TET2: variants seen among roughly 807,000 people sequenced by gnomAD.
TET2 encodes tet methylcytosine dioxygenase 2, also known as methylcytosine dioxygenase TET2.
TET2 carries 299 observed loss-of-function variants against 142.9 expected under a neutral mutation model. The ratio of observed to expected loss-of-function variants is 2.09; its 90% confidence interval spans 1.90 to 2.30. The LOEUF is 2.30. Ranked by LOEUF, TET2 falls within the 30% of genes most tolerant of loss-of-function variation. TET2 has a pLI of 0.00. For missense variants in TET2, 2,418 were observed against 2,378.0 expected, an observed-to-expected ratio of 1.02 and a Z score of -0.35; for synonymous variants, 819 against 849.0, an observed-to-expected ratio of 0.96 and a Z score of 0.61.
At chr4:105,260,800 ACAT>A (rs1409646813) in intron 7 of TET2, among the ~76,000 whole-genome samples, 1 of 152,184 alleles carries the variant, frequency 6.6e-6, no homozygotes, top group Non-Finnish European at 1.5e-5. Context: ...AATGTGCGAG[ACAT>A]CATTTCATAA....
chr4:105,172,090 T>G, intron 1 of TET2, among the ~76,000 whole-genome samples: 1 of 152,138 alleles, frequency 6.6e-6, no homozygotes, highest in African/African-American at 2.4e-5. Flanking sequence ...TCACTGAACT[T>G]TGAGCTCAGC....
chr4:105,265,475 ATTGTATATCTGTTT>A (rs1560567096), intron 8 of TET2, among the ~76,000 whole-genome samples: 1 of 152,214 alleles, frequency 6.6e-6, no homozygotes, highest in Non-Finnish European at 1.5e-5. Context: ...TTTCTAGCTG[ATTGTATATCTGTTT>A]TTGTTCAAGA....
At position 105,272,601 on chromosome 4, in the gene TET2, G is replaced by T; in HGVS notation, c.4220G>T (p.Gly1407Val). The T allele has an allele frequency of 2.6e-6, 4 of 1,547,472 alleles. No individual in the cohort carries two copies. Among genetic ancestry groups the T allele is most frequent in the Non-Finnish European group, 3.5e-6 (4 of 1,145,552 alleles). ...TLTREDNREF[G>V]GKPEDEQLHV... ...ACTAGAGAAGACAATCGAGAATTTG[G>T]AGGAAAACCTGAGGATGAGCAGCTT... Residue 1407 changes from glycine to valine, a missense_variant, in exon 10 of 11, where the codon GGA becomes GTA. Gly to Val is a moderately radical substitution (Grantham distance 109, BLOSUM62 -3). Transcript: ENST00000380013.
intron 2 of TET2, among the ~76,000 whole-genome samples, chr4:105,212,392 G>A (rs1727221983): frequency 6.6e-6 from 1 of 152,140 alleles, no homozygotes; most frequent in South Asian, 2.1e-4. Flanking sequence ...TTAGTTTCAG[G>A]TGTTGATTTG....
chr4:105,182,314 C>T lies in TET2; in HGVS notation c.-192-8046C>T, dbSNP rs1327848163. Among the ~76,000 whole-genome samples, 7 of 152,258 alleles carry T rather than the reference C, an allele frequency of 4.6e-5. No homozygotes were observed. In the East Asian group the frequency reaches 1.4e-3, roughly 29 times the overall value. On this transcript the variant is annotated intron_variant, in intron 1 of 10. Transcript: ENST00000380013. Reference sequence around the variant, plus strand: ...ACCCTAAGCCACTATAGCTCCTTCCCCATTACTCCCTGGGTCTACCCACCA... The same window carrying T: ...ACCCTAAGCCACTATAGCTCCTTCCTCATTACTCCCTGGGTCTACCCACCA...
chr4:105,209,970 G>A (rs1357974029), intron 2 of TET2, among the ~76,000 whole-genome samples: 1 of 152,158 alleles, frequency 6.6e-6, no homozygotes, highest in Non-Finnish European at 1.5e-5. Context: ...GGGTTCTACA[G>A]ACAATAAGAA....
At position 105,275,357 on chromosome 4, in the gene TET2, A is replaced by T. The variant is rs548042225; in HGVS notation, c.4847A>T (p.Asn1616Ile). ...TATTTGAATTCTTCTAATCCCATGA[A>T]CCCTTACCCTGGGCTTTTGAATCAG... The part of the protein sequence containing the change: ...GSYLNSSNPM[N>I]PYPGLLNQNT... The change falls in exon 11 of 11, where the codon AAC (asparagine) becomes ATC (isoleucine). Residue 1616 changes from asparagine to isoleucine, a missense_variant. Coordinates refer to ENST00000380013, the MANE Select transcript of TET2 (RefSeq NM_001127208.3). 1 of 1,551,516 alleles carries T rather than the reference A, an allele frequency of 6.4e-7. No homozygotes were observed. The highest frequency in any genetic ancestry group is 8.7e-7 in the Non-Finnish European group (1 of 1,146,940).
In TET2 at chr4:105,234,346, A is replaced by T. The variant is rs750200484; in HGVS notation, c.404A>T (p.Glu135Val). The T allele has an allele frequency of 1.9e-6, 3 of 1,613,974 alleles. No homozygotes were observed. Among genetic ancestry groups the T allele is most frequent in the African/African-American group, 1.3e-5 (1 of 74,936 alleles). ...FGVSQERNPG[E>V]SSQPNVSDLS... ...GTAAGCCAAGAAAGAAATCCAGGTGAAAGCAGTCAACCAAATGTCTCCGAT... is the reference window on the plus strand; with the variant it reads ...GTAAGCCAAGAAAGAAATCCAGGTGTAAGCAGTCAACCAAATGTCTCCGAT... Residue 135 changes from glutamate to valine, a missense_variant, in exon 3 of 11, where the codon GAA (glutamate) becomes GTA (valine). Coordinates refer to ENST00000380013, the MANE Select transcript of TET2 (RefSeq NM_001127208.3).
chr4:105,243,773 T>C lies in TET2; in HGVS notation c.3798T>C (p.Asn1266=), dbSNP rs374464277. The C allele has an allele frequency of 2.2e-5, 34 of 1,551,378 alleles. No individual in the cohort carries two copies. In the African/African-American group the frequency reaches 4.4e-4, roughly 20 times the overall value. ...GTLTNRRCAL[N]EERTCACQGL... ...TCACCAATCGCCGGTGTGCCTTGAATGAAGAGTAAGTGAAGCCCAGGGCCT... is the reference window on the plus strand; with the variant it reads ...TCACCAATCGCCGGTGTGCCTTGAACGAAGAGTAAGTGAAGCCCAGGGCCT... Residue 1266 remains asparagine, a synonymous_variant, in exon 6 of 11, where the codon AAT becomes AAC. Coordinates refer to ENST00000380013, the MANE Select transcript of TET2 (RefSeq NM_001127208.3).
chr4:105,206,599 G>T (rs1020000771), intron 2 of TET2, among the ~76,000 whole-genome samples: 1 of 152,172 alleles, frequency 6.6e-6, no homozygotes, highest in Non-Finnish European at 1.5e-5. Context: ...GAGGGACTGG[G>T]ATTGGGCTCT....
At position 105,205,568 on chromosome 4, in the gene TET2, G is replaced by T. The variant is rs143274486; in HGVS notation, c.-47+15063G>T. ...CTCCTATTCACACATTCTTGAAGGA[G>T]AGCTGATTTATCTGTACCCACAAAA... is the stretch of plus-strand genomic sequence containing the variant. On this transcript the variant is annotated intron_variant, in intron 2 of 10. Transcript: ENST00000380013. Among the ~76,000 whole-genome samples the T allele has an allele frequency of 8.5e-5, 13 of 152,248 alleles. No homozygotes were observed. In the South Asian group the frequency reaches 1.5e-3, roughly 17 times the overall value.
At chr4:105,184,646 T>C (rs1725319418) in intron 1 of TET2, among the ~76,000 whole-genome samples, 1 of 152,328 alleles carries the variant, frequency 6.6e-6, no homozygotes, top group Non-Finnish European at 1.5e-5. Context: ...TAGCCATCAC[T>C]GCCAAGTAGC....
chr4:105,262,530 A>G (rs1238582145), intron 8 of TET2, among the ~76,000 whole-genome samples: 3 of 152,138 alleles, frequency 2.0e-5, no homozygotes, highest in Non-Finnish European at 4.4e-5. Flanking sequence ...CAAACTAAAC[A>G]CTGTGTTTAG....
At chr4:105,272,498 C>A (rs1225832021) in intron 9 of TET2, 66 bp from the exon 10 acceptor site, 6 of 715,514 alleles carry the variant, frequency 8.4e-6, no homozygotes, top group Admixed American at 7.5e-5. Flanking sequence ...GAGAAAGATA[C>A]ACACACACAC....
rs1465841052 is a variant in TET2 at position 105,237,095 on chromosome 4, G to A, written c.3153G>A (p.Gln1051=). 1.2e-6 allele frequency: 2 copies of A among 1,614,014 alleles called. No homozygotes were observed. The highest frequency in any genetic ancestry group is 1.1e-5 in the South Asian group (1 of 91,090). The part of the protein sequence containing the change: ...FDHKALTLKS[Q]KQVKVEMSGP... ...ATAAGGCTCTTACTCTCAAATCACA[G>A]AAGCAAGTAAAAGTTGAAATGTCAG... The change falls in exon 3 of 11, where the codon CAG becomes CAA. Residue 1051 remains glutamine, a synonymous_variant. Coordinates refer to ENST00000380013, the MANE Select transcript of TET2 (RefSeq NM_001127208.3).
intron 4 of TET2, chr4:105,242,179 A>G: frequency 8.9e-7 from 1 of 1,118,886 alleles, no homozygotes; most frequent in Non-Finnish European, 1.1e-6. Context: ...CTCCATTTCC[A>G]AATTATTCAT....
At chr4:105,237,540 C>T (rs1005960333) in intron 3 of TET2, 189 bp downstream of exon 3, 2 of 1,555,952 alleles carry the variant, frequency 1.3e-6, no homozygotes, top group East Asian at 2.3e-5. Flanking sequence ...GAGAACTTCA[C>T]TTACATGCAG....
chr4:105,163,806 CGAGAGAGAGAGAGAGAGAGAGAGAGA>C (rs59658275), intron 1 of TET2, among the ~76,000 whole-genome samples: 15 of 79,794 alleles, frequency 1.9e-4, no homozygotes, highest in African/African-American at 6.1e-4. Context: ...TCGAAAGTTT[CGAGAGAGAGAGAGAGAGAGAGAGAGA>C]GAGAGAGAGA....
Position 105,261,823 on chromosome 4 carries a change from TTGCACC to T in TET2, c.4022_4027del (p.Ala1341_Pro1342del). On this transcript the variant is annotated inframe_deletion, in exon 8 of 11. Coordinates refer to ENST00000380013, the MANE Select transcript of TET2 (RefSeq NM_001127208.3). ...CTTATGGCACCAACATATAAGAAAC[TTGCACC>T]TGATGCATATAATAATCAGGTAAGT... 1 of 1,548,022 alleles carries T rather than the reference TTGCACC, an allele frequency of 6.5e-7. No individual in the cohort carries two copies. The highest frequency in any genetic ancestry group is 8.7e-7 in the Non-Finnish European group (1 of 1,144,564).
Sources: allele counts gnomAD v4.1 joint callset (sites outside exome capture counted in the v4.1 genomes callset), GRCh38; gene constraint gnomAD v4.1.1; transcripts MANE v1.5; gene names NCBI Gene and HGNC (gene_info 2026-07-23, HGNC 2026-07-21).